NALF1: variants seen among roughly 807,000 people sequenced by gnomAD.
NALF1 encodes family with sequence similarity 155 member A.
In NALF1, 3 loss-of-function variants were observed where a neutral mutation model predicts 48.4. The observed-to-expected ratio is 0.06, with a 90% CI of 0.03 to 0.16. NALF1 has a LOEUF of 0.16. Ranked by LOEUF, NALF1 falls within the 10% of genes least tolerant of loss-of-function variation. The pLI is 1.00. For missense variants in NALF1, 526 were observed against 571.5 expected, an observed-to-expected ratio of 0.92 and a Z score of 0.81; for synonymous variants, 262 against 245.7, an observed-to-expected ratio of 1.07 and a Z score of -0.62.
intron 1 of NALF1, among the ~76,000 whole-genome samples, chr13:107,278,084 T>C (rs962051990): frequency 1.3e-5 from 2 of 152,214 alleles, no homozygotes; most frequent in African/African-American, 4.8e-5. Context: ...CAGACATGGA[T>C]CTGAAGTATC....
intron 1 of NALF1, among the ~76,000 whole-genome samples, chr13:107,669,463 G>C (rs1443592779): frequency 6.6e-6 from 1 of 152,100 alleles, no homozygotes; most frequent in Non-Finnish European, 1.5e-5. Flanking sequence ...GCCATTAACA[G>C]AGCAAACCAA....
chr13:107,522,345 T>C (rs934301664), intron 1 of NALF1, among the ~76,000 whole-genome samples: 2 of 152,202 alleles, frequency 1.3e-5, no homozygotes, highest in African/African-American at 4.8e-5. Context: ...GCTCATCTTA[T>C]ACCACTTCTT....
chr13:107,298,784 A>G (rs1288405323), intron 1 of NALF1, among the ~76,000 whole-genome samples: 8 of 152,230 alleles, frequency 5.3e-5, no homozygotes, highest in Admixed American at 5.2e-4. Context: ...AGATTTACAG[A>G]AATTTCCAAA....
At chr13:107,601,947 T>C (rs1458335231) in intron 1 of NALF1, among the ~76,000 whole-genome samples, 2 of 152,182 alleles carry the variant, frequency 1.3e-5, no homozygotes, top group African/African-American at 4.8e-5. Context: ...TTCCCTATCC[T>C]TTTTTGTTTT....
At chr13:107,707,601 G>A (rs1875435658) in intron 1 of NALF1, among the ~76,000 whole-genome samples, 1 of 152,208 alleles carries the variant, frequency 6.6e-6, no homozygotes, top group African/African-American at 2.4e-5. Flanking sequence ...AAGCGGGCAG[G>A]AATGCACAGA....
chr13:107,180,065 A>G (rs1879030444), intron 2 of NALF1, among the ~76,000 whole-genome samples: 1 of 151,036 alleles, frequency 6.6e-6, no homozygotes, highest in Non-Finnish European at 1.5e-5. Context: ...TATGCATTAT[A>G]TGCTTGTATC....
intron 1 of NALF1, among the ~76,000 whole-genome samples, chr13:107,593,831 A>G (rs1178345194): frequency 6.8e-6 from 1 of 146,144 alleles, no homozygotes; most frequent in Non-Finnish European, 1.5e-5. Context: ...AAAAAAAAAA[A>G]CAGAAACGGA....
chr13:107,214,222 A>G (rs1373245352), intron 1 of NALF1, among the ~76,000 whole-genome samples: 1 of 152,204 alleles, frequency 6.6e-6, no homozygotes, highest in Non-Finnish European at 1.5e-5. Context: ...AAGGGGTTGA[A>G]AAGGATGTTT....
At chr13:107,316,805 C>G (rs1465803988) in intron 1 of NALF1, among the ~76,000 whole-genome samples, 2 of 151,988 alleles carry the variant, frequency 1.3e-5, no homozygotes, top group South Asian at 2.1e-4. Context: ...GGACTTAAAG[C>G]TGAGTTTTCT....
chr13:107,232,319 G>A (rs1880244092), intron 1 of NALF1, among the ~76,000 whole-genome samples: 2 of 152,132 alleles, frequency 1.3e-5, no homozygotes, highest in South Asian at 4.1e-4. Flanking sequence ...CTGATAAAGG[G>A]GAGTCTGTTC....
intron 1 of NALF1, among the ~76,000 whole-genome samples, chr13:107,847,064 T>G (rs78070602): frequency 3.3e-5 from 5 of 152,068 alleles, no homozygotes; most frequent in African/African-American, 1.2e-4. Flanking sequence ...AAAGGCAAAC[T>G]TTAGAGTTGA....
Position 107,315,989 on chromosome 13 carries a change from C to T in NALF1, c.916-105234G>A, listed in dbSNP as rs565062588. On this transcript the variant is annotated intron_variant, in intron 1 of 2. Coordinates refer to ENST00000375915, the MANE Select transcript of NALF1 (RefSeq NM_001080396.3). ...TGTATACATGTGCCATGTTGGTGTG[C>T]TGCACCCATTAACTTGTCATTTACA... Among the ~76,000 whole-genome samples the T allele has an allele frequency of 2.8e-3, 427 of 151,966 alleles. 2 individuals are homozygous for T. Among genetic ancestry groups the T allele is most frequent in the African/African-American group, 9.9e-3 (410 of 41,474 alleles).
chr13:107,256,567 G>T (rs1392462619), intron 1 of NALF1, among the ~76,000 whole-genome samples: 3 of 152,114 alleles, frequency 2.0e-5, no homozygotes, highest in African/African-American at 4.8e-5. Context: ...ACCTAATTTG[G>T]GAAAGAATTT....
chr13:107,357,281 G>T (rs1418335709), intron 1 of NALF1, among the ~76,000 whole-genome samples: 1 of 152,114 alleles, frequency 6.6e-6, no homozygotes, highest in Non-Finnish European at 1.5e-5. Flanking sequence ...AGAGAAGAGA[G>T]CAAAGGGGGA....
rs190478832 is a variant in NALF1 at position 107,539,788 on chromosome 13, G to A, written c.915+325894C>T. 3.6e-3 allele frequency among the ~76,000 whole-genome samples: 550 copies of A among 152,146 alleles called. 5 individuals carry two copies. The highest frequency in any genetic ancestry group is 0.013 in the African/African-American group (521 of 41,514). On this transcript the variant is annotated intron_variant, in intron 1 of 2. Coordinates refer to ENST00000375915, the MANE Select transcript of NALF1 (RefSeq NM_001080396.3). ...ATATGTTTACACTTGCAGTGGTTAT[G>A]ACTTTGTGTCTAAATCATAATTGGT...
At chr13:107,726,913 T>TTGTGTGTGTGTGTG (rs1171461096) in intron 1 of NALF1, among the ~76,000 whole-genome samples, 3 of 126,398 alleles carry the variant, frequency 2.4e-5, no homozygotes, top group African/African-American at 9.1e-5. Flanking sequence ...CGGCAAATTC[T>TTGTGTGTGTGTGTG]TGTGTGTGTG....
intron 1 of NALF1, among the ~76,000 whole-genome samples, chr13:107,507,847 T>G (rs1387075739): frequency 4.6e-5 from 7 of 152,146 alleles, no homozygotes; most frequent in African/African-American, 1.7e-4. Context: ...CGAACTGCAT[T>G]AAGTAGAAGA....
intron 1 of NALF1, among the ~76,000 whole-genome samples, chr13:107,816,366 G>A (rs1369189118): frequency 6.6e-6 from 1 of 152,162 alleles, no homozygotes; most frequent in African/African-American, 2.4e-5. Flanking sequence ...CACGTGGCTG[G>A]GGAGGCCTCA....
chr13:107,684,641 T>C (rs966600908), intron 1 of NALF1, among the ~76,000 whole-genome samples: 1 of 152,054 alleles, frequency 6.6e-6, no homozygotes, highest in Non-Finnish European at 1.5e-5. Context: ...GACAATAGAC[T>C]CTCTGGCTGG....
Sources: allele counts gnomAD v4.1 joint callset (sites outside exome capture counted in the v4.1 genomes callset), GRCh38; gene constraint gnomAD v4.1.1; transcripts MANE v1.5; gene names NCBI Gene and HGNC (gene_info 2026-07-23, HGNC 2026-07-21).